The following PTPRG variants were observed in gnomAD, a reference collection of about 807,000 sequenced individuals.
PTPRG encodes the protein receptor-type tyrosine-protein phosphatase gamma.
In PTPRG, 102 loss-of-function variants were observed where a neutral mutation model predicts 165.3. That is an observed-to-expected ratio of 0.62 (90% CI 0.53 to 0.73). PTPRG has a LOEUF of 0.73. Ranked by LOEUF, PTPRG falls within the 30% of genes least tolerant of loss-of-function variation. PTPRG has a pLI of 0.00. For synonymous variants in PTPRG, 675 were observed against 669.5 expected, an observed-to-expected ratio of 1.01 and a Z score of -0.13; for missense variants, 1,866 against 1,861.4, an observed-to-expected ratio of 1.00 and a Z score of -0.05.
At chr3:61,657,854 TC>T (rs1173621512) in intron 1 of PTPRG, among the ~76,000 whole-genome samples, 1 of 152,196 alleles carries the variant, frequency 6.6e-6, no homozygotes, top group East Asian at 1.9e-4. Flanking sequence ...CTTAAGTTGA[TC>T]GATAGCAGGC....
intron 5 of PTPRG, among the ~76,000 whole-genome samples, chr3:62,080,039 TTCTG>T (rs1329926711): frequency 6.6e-6 from 1 of 151,708 alleles, no homozygotes; most frequent in Non-Finnish European, 1.5e-5. Flanking sequence ...ATGACTTGAG[TTCTG>T]TCTGGACCCC....
intron 2 of PTPRG, among the ~76,000 whole-genome samples, chr3:61,779,976 C>A (rs1359409359): frequency 6.6e-6 from 1 of 152,078 alleles, no homozygotes; most frequent in Non-Finnish European, 1.5e-5. Flanking sequence ...CTATTGTTTC[C>A]TGGGTCACCT....
At chr3:62,162,545 G>C (rs1010310409) in intron 7 of PTPRG, among the ~76,000 whole-genome samples, 1 of 152,198 alleles carries the variant, frequency 6.6e-6, no homozygotes, top group Non-Finnish European at 1.5e-5. Flanking sequence ...GGAGGTGGAC[G>C]GGATTTTCTC....
At chr3:61,883,508 C>T (rs1347547219) in intron 2 of PTPRG, among the ~76,000 whole-genome samples, 1 of 152,060 alleles carries the variant, frequency 6.6e-6, no homozygotes, top group Non-Finnish European at 1.5e-5. Context: ...TTCAAAACTC[C>T]TCTCGTTCCA....
chr3:61,777,034 C>T (rs1403038904), intron 2 of PTPRG, among the ~76,000 whole-genome samples: 1 of 152,044 alleles, frequency 6.6e-6, no homozygotes, highest in Non-Finnish European at 1.5e-5. Context: ...CTTTCCTGGG[C>T]CTAGATCAGT....
intron 4 of PTPRG, among the ~76,000 whole-genome samples, chr3:62,071,255 G>A (rs1458315411): frequency 6.6e-6 from 1 of 152,162 alleles, no homozygotes; most frequent in African/African-American, 2.4e-5. Flanking sequence ...TGGGGGGCAC[G>A]TGGGAGAAAT....
intron 4 of PTPRG, among the ~76,000 whole-genome samples, chr3:62,042,814 G>A (rs2107805560): frequency 6.6e-6 from 1 of 152,256 alleles, no homozygotes; most frequent in African/African-American, 2.4e-5. Context: ...GCATTTGGGT[G>A]TTCAGTAAAG....
chr3:62,037,335 A>T lies in PTPRG; in HGVS notation c.519+33838A>T, dbSNP rs60528772. Among the ~76,000 whole-genome samples the T allele has an allele frequency of 9.0e-3, 1,368 of 152,240 alleles. 24 individuals carry two copies. Among genetic ancestry groups the T allele is most frequent in the African/African-American group, 0.03 (1,233 of 41,540 alleles). ...GATGTCATACTTCCTGATTGTCTCA[A>T]TTGATGTCTCCAATCCTCATTTCTT... On this transcript the variant is annotated intron_variant, in intron 4 of 29. Transcript: ENST00000474889.
intron 2 of PTPRG, among the ~76,000 whole-genome samples, chr3:61,916,496 G>C (rs2038938720): frequency 6.6e-6 from 1 of 151,950 alleles, no homozygotes; most frequent in Admixed American, 6.6e-5. Flanking sequence ...ACTGTGCTGA[G>C]AAAAAAAATC....
intron 4 of PTPRG, among the ~76,000 whole-genome samples, chr3:62,038,490 C>G (rs1348202844): frequency 1.3e-5 from 2 of 152,184 alleles, no homozygotes; most frequent in African/African-American, 2.4e-5. Flanking sequence ...CTCAACCTCC[C>G]AGGCTCAAGC....
At chr3:61,954,248 C>T (rs893542890) in intron 2 of PTPRG, among the ~76,000 whole-genome samples, 1 of 152,148 alleles carries the variant, frequency 6.6e-6, no homozygotes, top group Non-Finnish European at 1.5e-5. Flanking sequence ...TGTTAAAGTT[C>T]TCTTGTTTGA....
Position 62,273,625 on chromosome 3 carries a change from T to A in PTPRG, c.3319-73T>A. On this transcript the variant is annotated intron_variant, in intron 22 of 29. Transcript: ENST00000474889. The surrounding 1 kb of genome is among the most constrained non-coding windows in gnomAD (Gnocchi z 4.1). ...GTCCCTGTTAGCAGCAGAATTAAACTAAGGTACACTTCATGAATGAGTGGC... is the reference window on the plus strand; with the variant it reads ...GTCCCTGTTAGCAGCAGAATTAAACAAAGGTACACTTCATGAATGAGTGGC... 6.8e-7 allele frequency: 1 copy of A among 1,478,068 alleles called. No individual in the cohort carries two copies. The highest frequency in any genetic ancestry group is 9.4e-7 in the Non-Finnish European group (1 of 1,066,744). The allele number at this position is 1,478,068 out of a possible 1,614,324, so 91.6% of individuals were successfully genotyped here.
At chr3:62,159,546 A>G (rs529268743) in intron 7 of PTPRG, among the ~76,000 whole-genome samples, 1 of 152,254 alleles carries the variant, frequency 6.6e-6, no homozygotes, top group Admixed American at 6.5e-5. Flanking sequence ...TTTTAGAAGC[A>G]TTTTGATCAC....
Position 61,945,560 on chromosome 3 carries a change from CAA to C in PTPRG, c.191-44037_191-44036del, listed in dbSNP as rs71123242. Among the ~76,000 whole-genome samples, 39 of 55,452 alleles carry C rather than the reference CAA, an allele frequency of 7.0e-4. No individual in the cohort carries two copies. The East Asian group carries it at 8.7e-3, about 12-fold the overall frequency. The allele number at this position is 55,452 out of a possible 152,430, so 36.4% of individuals were successfully genotyped here. A position where few individuals can be genotyped will look rare whatever the true frequency, so the allele number is the denominator to read the frequency against. On this transcript the variant is annotated intron_variant, in intron 2 of 29. Transcript: ENST00000474889. ...GGCAATAGGAATGAAACTCCGTCAC[CAA>C]AAAAAAAAAAAAAAAAAAAAAAAAA...
chr3:62,142,123 G>A (rs1338749858), intron 6 of PTPRG, among the ~76,000 whole-genome samples: 1 of 150,570 alleles, frequency 6.6e-6, no homozygotes, highest in Non-Finnish European at 1.5e-5. Flanking sequence ...ATGAGAACTG[G>A]CCTCAAATTC....
intron 6 of PTPRG, among the ~76,000 whole-genome samples, chr3:62,138,202 T>A (rs1280180006): frequency 6.6e-6 from 1 of 152,198 alleles, no homozygotes. Flanking sequence ...TTGTCTAACA[T>A]CATTTCCATA....
intron 2 of PTPRG, among the ~76,000 whole-genome samples, chr3:61,855,162 C>A (rs751315342): frequency 1.1e-4 from 16 of 152,126 alleles, no homozygotes; most frequent in Non-Finnish European, 1.8e-4. Flanking sequence ...TTACTAAGCT[C>A]TCTGGGATTG....
chr3:61,588,380 A>G (rs1275906114), intron 1 of PTPRG, among the ~76,000 whole-genome samples: 1 of 151,342 alleles, frequency 6.6e-6, no homozygotes, highest in Admixed American at 6.6e-5. Context: ...ATTTAAGGAT[A>G]ATTTTTTTTT....
At chr3:61,637,155 A>G (rs563718181) in intron 1 of PTPRG, among the ~76,000 whole-genome samples, 104 of 152,310 alleles carry the variant, frequency 6.8e-4, no homozygotes, top group Non-Finnish European at 5.1e-4. Context: ...AATATTTTCA[A>G]TTCTAAAAAT....
Sources: allele counts gnomAD v4.1 joint callset (sites outside exome capture counted in the v4.1 genomes callset), GRCh38; gene constraint gnomAD v4.1.1; non-coding constraint Gnocchi (gnomAD v3.1); transcripts MANE v1.5; gene names NCBI Gene and HGNC (gene_info 2026-07-23, HGNC 2026-07-21).